The following NXPE2 variants were observed in gnomAD, a reference collection of about 807,000 sequenced individuals.
The protein encoded by NXPE2 is NXPE family member 2.
A neutral mutation model predicts 34.4 loss-of-function variants in NXPE2; 34 were observed. The ratio of observed to expected loss-of-function variants is 0.99; its 90% CI spans 0.75 to 1.31. NXPE2 has a LOEUF of 1.31. Ranked by LOEUF, NXPE2 falls within the 40% of genes most tolerant of loss-of-function variation. NXPE2 has a pLI of 0.00. For synonymous variants in NXPE2, 235 were observed against 231.3 expected (o/e 1.02, Z -0.15); for missense variants, 649 against 672.5 (o/e 0.97, Z 0.39).
At chr11:114,602,380 ATT>A in the NXPE2 span, among the ~76,000 whole-genome samples, 2 of 128,242 alleles carry the variant, frequency 1.6e-5, no homozygotes, top group African/African-American at 5.7e-5. Flanking sequence ...TACAATATAT[ATT>A]ATGCTATATA....
At chr11:114,609,972 A>T in the NXPE2 span, among the ~76,000 whole-genome samples, 1 of 151,600 alleles carries the variant, frequency 6.6e-6, no homozygotes, top group East Asian at 2.0e-4. Flanking sequence ...GGTGGATAAT[A>T]GTTGTTGCCT....
At chr11:114,540,837 C>CTTTTTTTTTTTTTTTTTTTTTTTT in the NXPE2 span, among the ~76,000 whole-genome samples, 2 of 47,416 alleles carry the variant, frequency 4.2e-5, 1 homozygote, top group Non-Finnish European at 9.3e-5. Context: ...AGAAAGCCAT[C>CTTTTTTTTTTTTTTTTTTTTTTTT]TTTTTTTTTT....
At chr11:114,747,906 G>A in the NXPE2 span, among the ~76,000 whole-genome samples, 35 of 152,298 alleles carry the variant, frequency 2.3e-4, no homozygotes, top group Admixed American at 1.2e-3. Context: ...CTGTACAATG[G>A]ATTGCTTGAC....
the NXPE2 span, among the ~76,000 whole-genome samples, chr11:114,508,137 A>G: frequency 6.6e-6 from 1 of 152,210 alleles, no homozygotes; most frequent in African/African-American, 2.4e-5. Flanking sequence ...ACAAACTCCT[A>G]TTCACAACTG....
At chr11:114,543,791 G>A in the NXPE2 span, among the ~76,000 whole-genome samples, 4 of 151,996 alleles carry the variant, frequency 2.6e-5, no homozygotes, top group Admixed American at 6.6e-5. Context: ...AAAAAGTAAA[G>A]CTGTTTTTAT....
At chr11:114,731,850 G>C in the NXPE2 span, among the ~76,000 whole-genome samples, 70,849 of 152,002 alleles carry the variant, frequency 0.47, 17,337 homozygotes, top group African/African-American at 0.62. Context: ...TAAAAGTGTA[G>C]TATACTTTCG....
the NXPE2 span, among the ~76,000 whole-genome samples, chr11:114,737,717 C>G: frequency 6.6e-6 from 1 of 152,110 alleles, no homozygotes; most frequent in Non-Finnish European, 1.5e-5. Flanking sequence ...CCTCTTGAAT[C>G]TAAACCAACT....
chr11:114,491,269 C>T, the NXPE2 span, among the ~76,000 whole-genome samples: 5 of 151,406 alleles, frequency 3.3e-5, 1 homozygote, highest in Admixed American at 1.3e-4. Flanking sequence ...ACTCATCTGA[C>T]GAAGGGCTAA....
At chr11:114,737,489 G>A in the NXPE2 span, among the ~76,000 whole-genome samples, 13 of 152,072 alleles carry the variant, frequency 8.5e-5, no homozygotes, top group African/African-American at 2.9e-4. Flanking sequence ...AATATAATAA[G>A]CAACACTTCT....
At chr11:114,617,770 A>G in the NXPE2 span, among the ~76,000 whole-genome samples, 1 of 152,118 alleles carries the variant, frequency 6.6e-6, no homozygotes, top group South Asian at 2.1e-4. Flanking sequence ...TGTGGATAAT[A>G]AGTGTTGCCT....
chr11:114,529,759 C>A, the NXPE2 span: 1 of 170,000 alleles, frequency 5.9e-6, no homozygotes, highest in Non-Finnish European at 1.3e-5. Context: ...AGTTGGGAAG[C>A]TGGTATGGGT....
the NXPE2 span, chr11:114,529,295 T>C: frequency 6.5e-6 from 1 of 153,208 alleles, no homozygotes; most frequent in Non-Finnish European, 1.5e-5. Context: ...AGCAAAAGTC[T>C]CTGGAACTGA....
the NXPE2 span, among the ~76,000 whole-genome samples, chr11:114,478,636 T>A: frequency 6.6e-6 from 1 of 152,208 alleles, no homozygotes; most frequent in Non-Finnish European, 1.5e-5. Context: ...CAAATATAAT[T>A]TAACTTTGAA....
chr11:114,711,129 T>G (rs1859604264), downstream of NXPE2, among the ~76,000 whole-genome samples: 1 of 152,094 alleles, frequency 6.6e-6, no homozygotes, highest in South Asian at 2.1e-4. Flanking sequence ...AGCCCACAGT[T>G]AATACCATAT....
At chr11:114,578,329 C>T in the NXPE2 span, among the ~76,000 whole-genome samples, 1 of 152,132 alleles carries the variant, frequency 6.6e-6, no homozygotes, top group Admixed American at 6.6e-5. Context: ...ACACAATGTA[C>T]AACAGTTGTT....
At chr11:114,471,200 C>G in the NXPE2 span, among the ~76,000 whole-genome samples, 2 of 152,178 alleles carry the variant, frequency 1.3e-5, no homozygotes, top group South Asian at 4.1e-4. Flanking sequence ...TCCAAGAAAT[C>G]ATTGCCCAGC....
At chr11:114,592,514 A>AACACAC in the NXPE2 span, among the ~76,000 whole-genome samples, 90 of 151,084 alleles carry the variant, frequency 6.0e-4, no homozygotes, top group African/African-American at 2.1e-3. Flanking sequence ...GAAATTGGAG[A>AACACAC]ACACACACAC....
chr11:114,476,076 T>C, the NXPE2 span, among the ~76,000 whole-genome samples: 4 of 152,220 alleles, frequency 2.6e-5, no homozygotes, highest in Non-Finnish European at 5.9e-5. Context: ...GACTGAAATT[T>C]GAACCATGTT....
intron 3 of NXPE2, among the ~76,000 whole-genome samples, chr11:114,701,390 G>A (rs1264886312): frequency 6.6e-6 from 1 of 152,138 alleles, no homozygotes; most frequent in African/African-American, 2.4e-5. Flanking sequence ...AAAGTCCCTA[G>A]TCTGGCAGAC....
Sources: allele counts gnomAD v4.1 joint callset (sites outside exome capture counted in the v4.1 genomes callset), GRCh38; gene constraint gnomAD v4.1.1; transcripts MANE v1.5; gene names NCBI Gene and HGNC (gene_info 2026-07-23, HGNC 2026-07-21).